PLCB1: variants seen among roughly 807,000 people sequenced by gnomAD.
PLCB1 encodes phospholipase C beta 1.
A neutral mutation model predicts 161.8 loss-of-function variants in PLCB1; 46 were observed. That is an observed-to-expected ratio of 0.28 (90% CI 0.22 to 0.36). The LOEUF (loss-of-function observed/expected upper bound fraction) is 0.36, where lower values mean the gene tolerates loss of function less well. Among genes scored for constraint, PLCB1 ranks in the 10% least tolerant of loss-of-function variants. The probability of loss-of-function intolerance (pLI) is 1.00; values close to 1 mark genes in which losing one functional copy is unlikely to be tolerated. For missense variants in PLCB1, 1,016 were observed against 1,472.5 expected, an observed-to-expected ratio of 0.69 and a Z score of 5.07; for synonymous variants, 517 against 503.7, an observed-to-expected ratio of 1.03 and a Z score of -0.35.
chr20:8,871,188 G>A (rs1987597093), intron 31 of PLCB1, among the ~76,000 whole-genome samples: 1 of 152,184 alleles, frequency 6.6e-6, no homozygotes, highest in Non-Finnish European at 1.5e-5. Context: ...GAAAGTAAAT[G>A]TGTGATAATT....
At chr20:8,811,071 C>G (rs1214484934) in intron 31 of PLCB1, among the ~76,000 whole-genome samples, 1 of 152,212 alleles carries the variant, frequency 6.6e-6, no homozygotes, top group East Asian at 1.9e-4. Context: ...GAGTGTCAAA[C>G]AAACCCAGAG....
At chr20:8,877,652 CT>C (rs1456437316) in intron 31 of PLCB1, among the ~76,000 whole-genome samples, 1 of 152,208 alleles carries the variant, frequency 6.6e-6, no homozygotes, top group Admixed American at 6.5e-5. Context: ...CTCTAGACCA[CT>C]GATGGATGGG....
intron 3 of PLCB1, among the ~76,000 whole-genome samples, chr20:8,445,023 G>A (rs1354363488): frequency 6.6e-6 from 1 of 151,992 alleles, no homozygotes; most frequent in Non-Finnish European, 1.5e-5. Flanking sequence ...GATAGTTTCT[G>A]TTGCTGTGCA....
intron 2 of PLCB1, among the ~76,000 whole-genome samples, chr20:8,243,564 G>C (rs1376431051): frequency 6.6e-6 from 1 of 151,878 alleles, no homozygotes; most frequent in Non-Finnish European, 1.5e-5. Context: ...GATATAAATA[G>C]AACCTTTAAA....
intron 2 of PLCB1, among the ~76,000 whole-genome samples, chr20:8,183,293 G>GA (rs1221239909): frequency 2.6e-5 from 4 of 152,178 alleles, no homozygotes; most frequent in South Asian, 2.1e-4. Flanking sequence ...ATGTAAAATG[G>GA]AAAAAAACTA....
intron 3 of PLCB1, among the ~76,000 whole-genome samples, chr20:8,529,300 C>T (rs1193211755): frequency 6.6e-6 from 1 of 151,928 alleles, no homozygotes; most frequent in Admixed American, 6.6e-5. Flanking sequence ...TTGCATATAC[C>T]TAGGAGAAAA....
At chr20:8,228,153 C>G (rs1260526185) in intron 2 of PLCB1, among the ~76,000 whole-genome samples, 1 of 151,732 alleles carries the variant, frequency 6.6e-6, no homozygotes, top group Non-Finnish European at 1.5e-5. Flanking sequence ...AAGTGAGACT[C>G]TGTCTCAAAA....
chr20:8,306,728 C>T (rs1332013962), intron 2 of PLCB1, among the ~76,000 whole-genome samples: 1 of 151,998 alleles, frequency 6.6e-6, no homozygotes, highest in Admixed American at 6.6e-5. Flanking sequence ...CTCCTTTTAC[C>T]CAATTTTTTT....
chr20:8,331,235 C>G (rs1336565300), intron 2 of PLCB1, among the ~76,000 whole-genome samples: 1 of 152,132 alleles, frequency 6.6e-6, no homozygotes, highest in Non-Finnish European at 1.5e-5. Flanking sequence ...TCTTAAAATT[C>G]TATCAGAAAA....
intron 11 of PLCB1, among the ~76,000 whole-genome samples, chr20:8,705,155 C>T (rs1485859928): frequency 6.6e-6 from 1 of 151,872 alleles, no homozygotes; most frequent in South Asian, 2.1e-4. Context: ...ACCCCATGAC[C>T]CAGTCAAGTT....
chr20:8,395,601 T>C (rs1472359087), intron 3 of PLCB1, among the ~76,000 whole-genome samples: 1 of 152,036 alleles, frequency 6.6e-6, no homozygotes, highest in East Asian at 1.9e-4. Flanking sequence ...GTGGGATATT[T>C]CACATGAGTT....
intron 3 of PLCB1, among the ~76,000 whole-genome samples, chr20:8,438,642 G>A (rs944052855): frequency 1.8e-4 from 28 of 152,180 alleles, no homozygotes; most frequent in African/African-American, 6.0e-4. Context: ...AATGTCTAGG[G>A]TGCGTCAGGA....
chr20:8,222,957 C>T (rs749121713), intron 2 of PLCB1, among the ~76,000 whole-genome samples: 9 of 152,078 alleles, frequency 5.9e-5, no homozygotes, highest in Non-Finnish European at 8.8e-5. Flanking sequence ...TATCATTTCA[C>T]TCATGAGTGA....
chr20:8,813,408 A>G (rs891374014), intron 31 of PLCB1, among the ~76,000 whole-genome samples: 1 of 152,210 alleles, frequency 6.6e-6, no homozygotes, highest in Non-Finnish European at 1.5e-5. Flanking sequence ...TCTGTTTCAT[A>G]CTTAAAATCT....
rs548405460 is a variant in PLCB1 at position 8,285,750 on chromosome 20, A to T, written c.178-85632A>T. Among the ~76,000 whole-genome samples the T allele has an allele frequency of 2.6e-5, 4 of 151,976 alleles. No homozygotes were observed. In the South Asian group the frequency reaches 6.2e-4, roughly 24 times the overall value. ...GCTGCTTCATAAGATAGAGCAACCT[A>T]CTCCTATGGCCTTCACACCTGTACC... On this transcript the variant is annotated intron_variant, in intron 2 of 31. Transcript: ENST00000338037.
intron 2 of PLCB1, among the ~76,000 whole-genome samples, chr20:8,288,730 C>A (rs551735627): frequency 6.6e-6 from 1 of 152,272 alleles, no homozygotes; most frequent in African/African-American, 2.4e-5. Context: ...GGTGCAATGG[C>A]CCCGTGAAGG....
intron 3 of PLCB1, among the ~76,000 whole-genome samples, chr20:8,450,855 G>A (rs1027789638): frequency 5.9e-5 from 9 of 152,172 alleles, no homozygotes; most frequent in Non-Finnish European, 1.2e-4. Context: ...TGAAAGTACT[G>A]TAGAGTTAGA....
intron 2 of PLCB1, among the ~76,000 whole-genome samples, chr20:8,299,037 T>G (rs984160792): frequency 2.6e-5 from 4 of 152,124 alleles, no homozygotes; most frequent in African/African-American, 9.7e-5. Flanking sequence ...ATTCATTCAT[T>G]TATTCATTCA....
At chr20:8,303,792 T>C (rs1401626062) in intron 2 of PLCB1, among the ~76,000 whole-genome samples, 3 of 152,218 alleles carry the variant, frequency 2.0e-5, no homozygotes, top group African/African-American at 7.2e-5. Context: ...TCTTCAAATG[T>C]GCCTCATCGA....
Sources: allele counts gnomAD v4.1 joint callset (sites outside exome capture counted in the v4.1 genomes callset), GRCh38; gene constraint gnomAD v4.1.1; transcripts MANE v1.5; gene names NCBI Gene and HGNC (gene_info 2026-07-23, HGNC 2026-07-21).